FRMPD3: variants seen among roughly 807,000 people sequenced by gnomAD.
The protein encoded by FRMPD3 is FERM and PDZ domain containing 3, also known as FERM and PDZ domain-containing protein 3.
A neutral mutation model predicts 97.9 loss-of-function variants in FRMPD3; 42 were observed. That is an observed-to-expected ratio of 0.43 (90% CI 0.34 to 0.55). The LOEUF (loss-of-function observed/expected upper bound fraction) is 0.55. FRMPD3 is among the 20% of genes least tolerant of loss of function. FRMPD3 has a pLI of 0.03. For missense variants in FRMPD3, 1,303 were observed against 1,457.7 expected, an observed-to-expected ratio of 0.89 and a Z score of 1.73; for synonymous variants, 577 against 581.1, an observed-to-expected ratio of 0.99 and a Z score of 0.10.
chrX:107,507,964 A>T (rs1248711181), intron 1 of FRMPD3, among the ~76,000 whole-genome samples: 1 of 112,437 alleles, frequency 8.9e-6, no homozygotes, highest in African/African-American at 3.2e-5. Flanking sequence ...GCATTCACTC[A>T]GTGCTTTCTG....
intron 1 of FRMPD3, among the ~76,000 whole-genome samples, chrX:107,517,769 A>AG (rs1292529361): frequency 2.0e-5 from 2 of 101,835 alleles, no homozygotes; most frequent in African/African-American, 7.4e-5. Context: ...GAAAAAAAAA[A>AG]AAAGAAAGAA....
At chrX:107,488,655 G>C (rs1341130722) in intron 1 of FRMPD3, among the ~76,000 whole-genome samples, 1 of 111,395 alleles carries the variant, frequency 9.0e-6, no homozygotes, top group African/African-American at 3.3e-5. Flanking sequence ...GCCAGCCACT[G>C]GGCTAGGTGT....
rs1922707231 is a variant in FRMPD3, at chrX:107,526,608, A to G, written c.20A>G (p.Asn7Ser). 1.7e-6 allele frequency: 2 copies of G among 1,198,764 alleles called. No homozygotes were observed. The highest frequency in any genetic ancestry group is 1.8e-5 in the African/African-American group (1 of 56,082). Reference protein sequence around the residue: MQEESANDMECEQLPAE... With the variant: MQEESASDMECEQLPAE... ...CATGTGATGCAGGAAGAGAGCGCAAATGATATGGAATGTGAGCAGCTGCCA... is the reference window on the plus strand; with the variant it reads ...CATGTGATGCAGGAAGAGAGCGCAAGTGATATGGAATGTGAGCAGCTGCCA... The change falls in exon 2 of 15, where the codon AAT becomes AGT. Residue 7 changes from asparagine to serine, a missense_variant. Physicochemically the swap from Asn to Ser is conservative, Grantham distance 46. Around this residue, in one of 3 missense-constraint regions of FRMPD3, gnomAD observed 535 missense variants for 618.6 expected, o/e 0.86. Transcript: ENST00000683843.
chrX:107,495,669 G>A (rs755813195), intron 1 of FRMPD3, among the ~76,000 whole-genome samples: 67 of 111,446 alleles, frequency 6.0e-4, no homozygotes, highest in Middle Eastern at 4.7e-3. Context: ...GTGACTTCAT[G>A]GGTAAGAAGA....
intron 1 of FRMPD3, among the ~76,000 whole-genome samples, chrX:107,516,798 T>G (rs1922347717): frequency 9.0e-6 from 1 of 110,851 alleles, no homozygotes; most frequent in South Asian, 3.9e-4. Flanking sequence ...ATGAGTAGAT[T>G]GCAAAAATTT....
Position 107,554,493 on chromosome X carries a change from C to A in FRMPD3, c.751C>A (p.Leu251Ile). ...TCGGGATCCTGCTGCTTTTGAGTAC[C>A]TATACATCCAGGTAGAGTCTGGCTT... ...LRRDPAAFEY[L>I]YIQSRNDVIR... The change falls in exon 8 of 15, where the codon CTA becomes ATA. Residue 251 changes from leucine to isoleucine, a missense_variant. Leu to Ile is a conservative substitution (Grantham distance 5, BLOSUM62 2). Around this residue, in one of 3 missense-constraint regions of FRMPD3, gnomAD observed 535 missense variants for 618.6 expected, o/e 0.86. Coordinates refer to ENST00000683843, the MANE Select transcript of FRMPD3 (RefSeq NM_001388459.1). 1 of 1,208,226 alleles carries A rather than the reference C, an allele frequency of 8.3e-7. No homozygotes were observed. The highest frequency in any genetic ancestry group is 1.1e-6 in the Non-Finnish European group (1 of 894,137).
intron 1 of FRMPD3, among the ~76,000 whole-genome samples, chrX:107,503,065 G>C (rs376154705): frequency 1.8e-5 from 2 of 111,655 alleles, no homozygotes; most frequent in East Asian, 2.8e-4. Flanking sequence ...GGAATGGGGG[G>C]GTTTCACAGG....
chrX:107,506,131 T>C (rs1008964731), intron 1 of FRMPD3, among the ~76,000 whole-genome samples: 5 of 112,153 alleles, frequency 4.5e-5, no homozygotes, highest in African/African-American at 1.6e-4. Context: ...GACTTCTTCC[T>C]TTTCTTTTTT....
intron 13 of FRMPD3, among the ~76,000 whole-genome samples, chrX:107,584,472 C>T (rs1028999479): frequency 8.9e-6 from 1 of 111,911 alleles, no homozygotes; most frequent in Non-Finnish European, 1.9e-5. Context: ...TCAATTGTGG[C>T]TTTTGTCGTA....
intron 1 of FRMPD3, among the ~76,000 whole-genome samples, chrX:107,451,791 GGGGGAAACAAGGTTGA>G (rs1462197849): frequency 5.3e-5 from 6 of 112,232 alleles, no homozygotes; most frequent in Non-Finnish European, 9.4e-5. Flanking sequence ...TATTGTGGAT[GGGGGAAACAAGGTTGA>G]GGGGAGCAAG....
chrX:107,592,550 G>A lies in FRMPD3; in HGVS notation c.1442-4771G>A, dbSNP rs1270563624. On this transcript the variant is annotated intron_variant, in intron 13 of 14. Coordinates refer to ENST00000683843, the MANE Select transcript of FRMPD3 (RefSeq NM_001388459.1). ...CGTTGATTGATGGGCATTTGGGCTG[G>A]TTCCATATTTTTGCAGTTGTGAATT... 3.6e-5 allele frequency among the ~76,000 whole-genome samples: 4 copies of A among 110,955 alleles called. No individual in the cohort carries two copies. The East Asian group carries it at 8.5e-4, about 24-fold the overall frequency.
At chrX:107,594,941 G>C (rs1466423588) in intron 13 of FRMPD3, among the ~76,000 whole-genome samples, 1 of 112,091 alleles carries the variant, frequency 8.9e-6, no homozygotes, top group African/African-American at 3.2e-5. Flanking sequence ...ATAAATTTTG[G>C]TATGTGGTAT....
At chrX:107,550,981 A>C (rs992302698) in intron 6 of FRMPD3, among the ~76,000 whole-genome samples, 1 of 111,923 alleles carries the variant, frequency 8.9e-6, no homozygotes. Flanking sequence ...CCTATAAGTA[A>C]AGAAACTCTT....
chrX:107,504,665 G>A (rs960310170), intron 1 of FRMPD3, among the ~76,000 whole-genome samples: 1 of 112,140 alleles, frequency 8.9e-6, no homozygotes, highest in African/African-American at 3.2e-5. Context: ...CACTAGTTCT[G>A]TTGTATATCT....
intron 1 of FRMPD3, among the ~76,000 whole-genome samples, chrX:107,461,476 C>T (rs954706451): frequency 4.5e-5 from 5 of 110,838 alleles, no homozygotes; most frequent in Non-Finnish European, 9.4e-5. Context: ...CACGAATCCA[C>T]CCCCTCTTGA....
intron 1 of FRMPD3, among the ~76,000 whole-genome samples, chrX:107,453,791 C>T (rs751417639): frequency 8.9e-6 from 1 of 111,788 alleles, no homozygotes; most frequent in Non-Finnish European, 1.9e-5. Flanking sequence ...GGCAGAGCAC[C>T]CTTTTCTGAG....
chrX:107,482,552 G>A (rs1266797842), intron 1 of FRMPD3, among the ~76,000 whole-genome samples: 1 of 111,429 alleles, frequency 9.0e-6, no homozygotes, highest in Non-Finnish European at 1.9e-5. Context: ...GTTGCTGGAG[G>A]GGAGGACTAA....
intron 1 of FRMPD3, among the ~76,000 whole-genome samples, chrX:107,519,982 A>G (rs1415568098): frequency 9.0e-6 from 1 of 111,234 alleles, no homozygotes. Flanking sequence ...GTTGACTGAG[A>G]GTTCCAGTGG....
At chrX:107,550,275 A>C in intron 6 of FRMPD3, 119 bp downstream of exon 6, 3 of 507,586 alleles carry the variant, frequency 5.9e-6, no homozygotes, top group Non-Finnish European at 6.7e-6. Context: ...GGTGGCCTTT[A>C]AGCTCTGGAT....
Sources: gnomAD v4.1 joint callset for allele counts (sites outside exome capture counted in the v4.1 genomes callset) on GRCh38, gnomAD v4.1.1 for gene constraint, gnomAD v4.1.1 regional missense constraint, MANE v1.5 for transcripts, NCBI Gene and HGNC (gene_info 2026-07-23, HGNC 2026-07-21) for gene names.